The following KANK1 variants were observed in gnomAD, a reference collection of about 807,000 sequenced individuals.
KANK1 encodes KN motif and ankyrin repeat domain-containing protein 1.
Under a neutral mutation model 106.2 loss-of-function variants are expected in KANK1, and 109 were observed. The ratio of observed to expected loss-of-function variants is 1.03; its 90% CI spans 0.88 to 1.20. The LOEUF is 1.20. Among genes scored for constraint, KANK1 ranks in the 50% most tolerant of loss-of-function variants. KANK1 has a pLI of 0.00. For missense variants in KANK1, 2,399 were observed against 1,710.7 expected, an observed-to-expected ratio of 1.40 and a Z score of -7.10; for synonymous variants, 873 against 652.2, an observed-to-expected ratio of 1.34 and a Z score of -5.16.
intron 3 of KANK1, 39 bp downstream of exon 3, chr9:713,503 G>T: frequency 6.6e-7 from 1 of 1,511,938 alleles, no homozygotes; most frequent in South Asian, 1.4e-5. Context: ...GAGGAAGGAT[G>T]GGGGAAAATG....
intron 3 of KANK1, among the ~76,000 whole-genome samples, chr9:719,387 A>G (rs1204155534): frequency 1.3e-5 from 2 of 152,216 alleles, no homozygotes; most frequent in Non-Finnish European, 2.9e-5. Context: ...TTTCAGTCCT[A>G]CCTGTTCTCA....
intron 3 of KANK1, among the ~76,000 whole-genome samples, chr9:721,638 C>A (rs1829373573): frequency 6.6e-6 from 1 of 152,180 alleles, no homozygotes; most frequent in South Asian, 2.1e-4. Flanking sequence ...TGGATAAGGT[C>A]ATCTGCTGAT....
chr9:688,696 G>A (rs1195615244), intron 2 of KANK1, among the ~76,000 whole-genome samples: 1 of 152,192 alleles, frequency 6.6e-6, no homozygotes, highest in Non-Finnish European at 1.5e-5. Flanking sequence ...GCTGTCTTAA[G>A]GGGAAGATTA....
intron 3 of KANK1, among the ~76,000 whole-genome samples, chr9:721,847 T>C (rs1256190620): frequency 6.6e-6 from 1 of 152,232 alleles, no homozygotes; most frequent in African/African-American, 2.4e-5. Flanking sequence ...AGTGAAGGCA[T>C]ACGGTCAACT....
chr9:579,672 T>C (rs1688775029), intron 1 of KANK1, among the ~76,000 whole-genome samples: 1 of 151,998 alleles, frequency 6.6e-6, no homozygotes, highest in African/African-American at 2.4e-5. Context: ...AGGGAGGCAG[T>C]ATGGGAGGTC....
At chr9:662,279 C>A (rs996977528) in intron 1 of KANK1, among the ~76,000 whole-genome samples, 2 of 152,150 alleles carry the variant, frequency 1.3e-5, no homozygotes, top group Non-Finnish European at 2.9e-5. Context: ...TCAGTGCCAT[C>A]CCCATCAAGC....
At chr9:602,715 A>T (rs1026244295) in intron 1 of KANK1, among the ~76,000 whole-genome samples, 1 of 151,838 alleles carries the variant, frequency 6.6e-6, no homozygotes, top group Non-Finnish European at 1.5e-5. Flanking sequence ...TTTATGTGTG[A>T]AGTCTTTACG....
intron 2 of KANK1, among the ~76,000 whole-genome samples, chr9:679,613 C>T (rs1476637356): frequency 6.6e-6 from 1 of 152,130 alleles, no homozygotes; most frequent in Non-Finnish European, 1.5e-5. Context: ...TGAGGTTTCA[C>T]CATGTTAACC....
At chr9:660,971 G>C (rs970979221) in intron 1 of KANK1, among the ~76,000 whole-genome samples, 1 of 152,112 alleles carries the variant, frequency 6.6e-6, no homozygotes, top group Non-Finnish European at 1.5e-5. Context: ...CCTTTGACAA[G>C]GGAACAAATC....
intron 3 of KANK1, among the ~76,000 whole-genome samples, chr9:488,514 G>T (rs968860296): frequency 6.6e-6 from 1 of 152,168 alleles, no homozygotes; most frequent in Non-Finnish European, 1.5e-5. Context: ...TGTTTCTGCC[G>T]TTTATGAGTT....
At chr9:606,673 G>A (rs1452082945) in intron 1 of KANK1, among the ~76,000 whole-genome samples, 2 of 150,556 alleles carry the variant, frequency 1.3e-5, no homozygotes, top group Non-Finnish European at 2.9e-5. Context: ...AATAAAAGAT[G>A]CAGTATGTCA....
chr9:506,414 A>G (rs899734190), intron 1 of KANK1, among the ~76,000 whole-genome samples: 28 of 152,144 alleles, frequency 1.8e-4, no homozygotes, highest in African/African-American at 6.5e-4. Context: ...GAGACCCACA[A>G]GTTGGGAATA....
intron 2 of KANK1, among the ~76,000 whole-genome samples, chr9:696,766 T>G (rs557162288): frequency 6.6e-6 from 1 of 152,158 alleles, no homozygotes; most frequent in Non-Finnish European, 1.5e-5. Context: ...TTGTAGACGT[T>G]TCCAGGAATA....
chr9:609,532 G>C (rs1830098974), intron 1 of KANK1, among the ~76,000 whole-genome samples: 1 of 152,140 alleles, frequency 6.6e-6, no homozygotes, highest in Non-Finnish European at 1.5e-5. Context: ...AAAGGGCTGA[G>C]ACAGGAGAAT....
intron 3 of KANK1, chr9:478,101 C>A: frequency 4.7e-6 from 1 of 214,106 alleles, no homozygotes; most frequent in South Asian, 7.3e-5. Flanking sequence ...CCGTGAGCAT[C>A]AAAGCCCTCA....
chr9:684,399 A>C (rs1818147142), intron 2 of KANK1: 2 of 985,264 alleles, frequency 2.0e-6, no homozygotes, highest in African/African-American at 3.5e-5. Flanking sequence ...GCCAACAAGA[A>C]AGAAAGAAAA....
intron 3 of KANK1, among the ~76,000 whole-genome samples, chr9:716,528 A>T (rs548440776): frequency 1.3e-5 from 2 of 152,316 alleles, no homozygotes; most frequent in South Asian, 4.1e-4. Flanking sequence ...CATAGATAAC[A>T]ATGGGAAACA....
intron 3 of KANK1, among the ~76,000 whole-genome samples, chr9:489,791 C>T (rs1448479983): frequency 1.3e-5 from 2 of 152,176 alleles, no homozygotes; most frequent in African/African-American, 4.8e-5. Flanking sequence ...ATCAATGAGA[C>T]TGTTATTGGC....
chr9:586,523 G>T (rs1316102678), intron 1 of KANK1, among the ~76,000 whole-genome samples: 2 of 152,182 alleles, frequency 1.3e-5, no homozygotes, highest in Non-Finnish European at 2.9e-5. Context: ...AGGTAATGAC[G>T]AGAGAGATGA....
Sources: allele counts gnomAD v4.1 joint callset (sites outside exome capture counted in the v4.1 genomes callset), GRCh38; gene constraint gnomAD v4.1.1; transcripts MANE v1.5; gene names NCBI Gene and HGNC (gene_info 2026-07-23, HGNC 2026-07-21).